PAPPA: variants seen among roughly 807,000 people sequenced by gnomAD.
PAPPA encodes the protein pappalysin 1.
A neutral mutation model predicts 164.0 loss-of-function variants in PAPPA; 60 were observed. That is an observed-to-expected ratio of 0.37 (90% CI 0.30 to 0.45). PAPPA has a LOEUF of 0.45. Ranked by LOEUF, PAPPA falls within the 20% of genes least tolerant of loss-of-function variation. PAPPA has a pLI of 1.00. For missense variants in PAPPA, 1,782 were observed against 2,087.3 expected, an observed-to-expected ratio of 0.85 and a Z score of 2.85; for synonymous variants, 875 against 814.1, an observed-to-expected ratio of 1.07 and a Z score of -1.27.
chr9:116,384,450 G>C (rs1277766941), intron 21 of PAPPA, among the ~76,000 whole-genome samples: 4 of 151,870 alleles, frequency 2.6e-5, no homozygotes, highest in Non-Finnish European at 5.9e-5. Context: ...GTGAGACCCT[G>C]TCTCAAAATT....
intron 4 of PAPPA, among the ~76,000 whole-genome samples, chr9:116,213,935 T>C (rs1425838494): frequency 1.3e-5 from 2 of 152,192 alleles, no homozygotes; most frequent in African/African-American, 4.8e-5. Flanking sequence ...TGGAGAGCCA[T>C]GCATGGGAGC....
At chr9:116,209,326 G>T (rs997545215) in intron 3 of PAPPA, among the ~76,000 whole-genome samples, 11 of 152,054 alleles carry the variant, frequency 7.2e-5, no homozygotes, top group African/African-American at 2.2e-4. Flanking sequence ...CCTTCCTCAG[G>T]TCTCAATGTC....
At chr9:116,361,323 A>T (rs558805322) in intron 17 of PAPPA, among the ~76,000 whole-genome samples, 1 of 152,154 alleles carries the variant, frequency 6.6e-6, no homozygotes, top group Non-Finnish European at 1.5e-5. Flanking sequence ...ATCCTTCACA[A>T]TATGGGCCCC....
At chr9:116,177,726 C>T (rs1056397425) in intron 1 of PAPPA, among the ~76,000 whole-genome samples, 9 of 152,090 alleles carry the variant, frequency 5.9e-5, no homozygotes, top group African/African-American at 9.7e-5. Flanking sequence ...TTAAAATGAC[C>T]GAAGGAAAGA....
intron 21 of PAPPA, among the ~76,000 whole-genome samples, chr9:116,387,686 C>T (rs1226924654): frequency 6.6e-6 from 1 of 152,166 alleles, no homozygotes; most frequent in Non-Finnish European, 1.5e-5. Flanking sequence ...TAGGCGTTAT[C>T]TTTTTAATCC....
Position 116,220,007 on chromosome 9 carries a change from C to A in PAPPA, c.1989C>A (p.Tyr663Ter). Residue 663 changes from tyrosine to a stop codon, truncating the protein, a stop_gained, in exon 5 of 22, where the codon TAC becomes TAA. Transcript: ENST00000328252. LOFTEE classifies it high-confidence loss of function. ...TGCACTGTTACCTGGACCTGGTCTA[C>A]CAGGGCTGGCAGCCCTCCAGGAAAC... The part of the protein sequence containing the change: ...ARMHCYLDLV[Y>*]QGWQPSRKPA... The A allele has an allele frequency of 6.2e-7, 1 of 1,614,048 alleles. No individual in the cohort carries two copies. The highest frequency in any genetic ancestry group is 1.1e-5 in the South Asian group (1 of 91,084).
intron 7 of PAPPA, among the ~76,000 whole-genome samples, chr9:116,255,883 A>G (rs957297837): frequency 2.6e-5 from 4 of 151,942 alleles, no homozygotes; most frequent in Non-Finnish European, 2.9e-5. Context: ...TTTAACTGTC[A>G]TCTTACTATC....
At chr9:116,184,626 T>G (rs1843948150) in intron 1 of PAPPA, among the ~76,000 whole-genome samples, 1 of 152,180 alleles carries the variant, frequency 6.6e-6, no homozygotes, top group African/African-American at 2.4e-5. Context: ...ATGAAGGAAT[T>G]AAGGCTTAGA....
chr9:116,352,820 C>G lies in PAPPA; in HGVS notation c.4079C>G (p.Ala1360Gly), dbSNP rs1306824949. The change falls in exon 16 of 22, where the codon GCC becomes GGC. Residue 1360 changes from alanine to glycine, a missense_variant. By Grantham distance (60) the Ala-to-Gly change is moderately conservative (BLOSUM62 0). Coordinates refer to ENST00000328252, the MANE Select transcript of PAPPA (RefSeq NM_002581.5). ...PPVPNADLQT[A>G]RCRENKHKVG... is the part of the protein sequence containing the mutation. ...GTGCCCAATGCAGACCTCCAGACCG[C>G]CCGGTGCCGAGAGAATAAGCACAAG... 1.9e-6 allele frequency: 3 copies of G among 1,613,914 alleles called. 1 individual carries two copies. In the South Asian group the frequency reaches 3.3e-5, roughly 18 times the overall value.
At chr9:116,198,911 T>G (rs1844137628) in intron 2 of PAPPA, among the ~76,000 whole-genome samples, 1 of 152,046 alleles carries the variant, frequency 6.6e-6, no homozygotes, top group Non-Finnish European at 1.5e-5. Flanking sequence ...TCATACATGG[T>G]GGAGTGTTTT....
chr9:116,346,963 G>A, intron 14 of PAPPA, 63 bp from the exon 15 acceptor site: 1 of 1,386,102 alleles, frequency 7.2e-7, no homozygotes, highest in Non-Finnish European at 9.9e-7. Context: ...TGGGAAGAAG[G>A]GTATTTCTCC....
At chr9:116,373,748 A>ACTT (rs1846607468) in intron 19 of PAPPA, 1 of 152,156 alleles carries the variant, frequency 6.6e-6, no homozygotes, top group African/African-American at 2.4e-5. Context: ...GGGATGGTAT[A>ACTT]CTTTGAAGGA....
At chr9:116,254,655 G>A (rs1343353274) in intron 7 of PAPPA, among the ~76,000 whole-genome samples, 2 of 151,844 alleles carry the variant, frequency 1.3e-5, no homozygotes, top group Non-Finnish European at 1.5e-5. Flanking sequence ...GGTGGTGGGC[G>A]CCTGTAATCC....
At chr9:116,256,705 T>G (rs190643894) in intron 7 of PAPPA, among the ~76,000 whole-genome samples, 1 of 152,102 alleles carries the variant, frequency 6.6e-6, no homozygotes, top group East Asian at 1.9e-4. Context: ...TGAAAATATA[T>G]AAGTCAATGA....
At chr9:116,314,992 TC>T (rs1389093648) in intron 10 of PAPPA, among the ~76,000 whole-genome samples, 1 of 152,246 alleles carries the variant, frequency 6.6e-6, no homozygotes, top group Admixed American at 6.5e-5. Flanking sequence ...TTTAGGTATT[TC>T]CTGTGCCCAG....
chr9:116,229,532 A>G (rs1377313263), intron 6 of PAPPA, among the ~76,000 whole-genome samples: 2 of 152,242 alleles, frequency 1.3e-5, no homozygotes, highest in East Asian at 1.9e-4. Flanking sequence ...CAGTAAGGCT[A>G]TAAGAGTTTA....
Position 116,347,750 on chromosome 9 carries a change from G to A in PAPPA, c.3964+541G>A, listed in dbSNP as rs896482980. On this transcript the variant is annotated intron_variant, in intron 15 of 21. Transcript: ENST00000328252. The surrounding 1 kb of genome is among the most constrained non-coding windows in gnomAD (Gnocchi z 4.5). ...TAAGAGGGGCCAGCTGGGCAGAGAAGAGCAGATATGGACAGGAAGCATCTG... is the reference window on the plus strand; with the variant it reads ...TAAGAGGGGCCAGCTGGGCAGAGAAAAGCAGATATGGACAGGAAGCATCTG... Among the ~76,000 whole-genome samples the A allele has an allele frequency of 3.9e-5, 6 of 152,150 alleles. No homozygotes were observed. The highest frequency in any genetic ancestry group is 8.8e-5 in the Non-Finnish European group (6 of 68,020).
intron 15 of PAPPA, among the ~76,000 whole-genome samples, chr9:116,352,357 C>T (rs1455437333): frequency 2.6e-5 from 4 of 152,128 alleles, no homozygotes; most frequent in Admixed American, 6.5e-5. Flanking sequence ...AAGGCAAGTG[C>T]CTCCATCTCT....
chr9:116,303,905 T>A (rs775128189), intron 10 of PAPPA, among the ~76,000 whole-genome samples: 18 of 152,266 alleles, frequency 1.2e-4, no homozygotes, highest in Non-Finnish European at 2.5e-4. Flanking sequence ...ATTTGATTAT[T>A]TCTTCATTCA....
Sources: gnomAD v4.1 joint callset for allele counts (sites outside exome capture counted in the v4.1 genomes callset) on GRCh38, gnomAD v4.1.1 for gene constraint, Gnocchi (gnomAD v3.1) non-coding constraint, MANE v1.5 for transcripts, NCBI Gene and HGNC (gene_info 2026-07-23, HGNC 2026-07-21) for gene names.